ZNF821: variants seen among roughly 807,000 people sequenced by gnomAD.
ZNF821 encodes zinc finger protein 821.
Under a neutral mutation model 44.3 loss-of-function variants are expected in ZNF821, and 16 were observed. That is an observed-to-expected ratio of 0.36 (90% CI 0.24 to 0.55). ZNF821 has a LOEUF of 0.55. Among genes scored for constraint, ZNF821 ranks in the 20% least tolerant of loss-of-function variants. The probability of loss-of-function intolerance (pLI) is 0.86; values close to 1 mark genes in which losing one functional copy is unlikely to be tolerated. For missense variants in ZNF821, 436 were observed against 547.6 expected, an observed-to-expected ratio of 0.80 and a Z score of 2.03; for synonymous variants, 204 against 197.6, an observed-to-expected ratio of 1.03 and a Z score of -0.27.
Position 71,876,716 on chromosome 16 carries a change from T to A in ZNF821, c.40+3191A>T, listed in dbSNP as rs371658669. On this transcript the variant is annotated intron_variant, in intron 3 of 7. Coordinates refer to ENST00000425432, the MANE Select transcript of ZNF821 (RefSeq NM_001201552.2). ...TCGACCTTTTGGGTTCAAGCGATCC[T>A]CCCACCTCTGTCTCCCAAGTAGCTG... Among the ~76,000 whole-genome samples, 47 of 152,278 alleles carry A rather than the reference T, an allele frequency of 3.1e-4. No homozygotes were observed. The South Asian group carries it at 9.3e-3, about 30-fold the overall frequency.
rs2034366071 is a variant in ZNF821 at position 71,864,956 on chromosome 16, C to T, written c.259G>A (p.Glu87Lys). The change falls in exon 5 of 8, where the codon GAG becomes AAG. Residue 87 changes from glutamate (E) to lysine (K), a missense_variant. Glu to Lys is a moderately conservative substitution (Grantham distance 56). This residue lies in a region of ZNF821 where 238 missense variants were observed against 281.4 expected (regional missense o/e 0.85). Transcript: ENST00000425432. ...EDGGVVKVEK[E>K]LENTEQPVGG... ...ACAGGCTGTTCTGTATTTTCTAACT[C>T]TTTCTCCACTTTGACCACCCCTCCA... 2 of 1,614,064 alleles carry T rather than the reference C, an allele frequency of 1.2e-6. No homozygotes were observed. Among genetic ancestry groups the T allele is most frequent in the Non-Finnish European group, 8.5e-7 (1 of 1,180,030 alleles).
Position 71,860,815 on chromosome 16 carries a change from G to A in ZNF821, c.585-143C>T. 1 of 749,174 alleles carries A rather than the reference G, an allele frequency of 1.3e-6. No individual in the cohort carries two copies. Among genetic ancestry groups the A allele is most frequent in the Non-Finnish European group, 2.1e-6 (1 of 475,390 alleles). The allele number at this position is 749,174 out of a possible 1,614,324, so 46.4% of individuals were successfully genotyped here. On this transcript the variant is annotated intron_variant, in intron 7 of 7. Transcript: ENST00000425432. The surrounding 1 kb of genome is among the most constrained non-coding windows in gnomAD (Gnocchi z 7.3). ...TTTGAATGCTTGGTGGACCTCTTCTGCTGCTCCATCCCTTCTCTTCGCGTG... is the reference window on the plus strand; with the variant it reads ...TTTGAATGCTTGGTGGACCTCTTCTACTGCTCCATCCCTTCTCTTCGCGTG...
intron 4 of ZNF821, among the ~76,000 whole-genome samples, chr16:71,865,807 C>A (rs558396093): frequency 2.6e-5 from 4 of 152,204 alleles, no homozygotes; most frequent in Admixed American, 2.6e-4. Flanking sequence ...AGGAACGGGC[C>A]ATTCTTTAGG....
rs1218882619 is a variant in ZNF821 at position 71,860,676 on chromosome 16, G to A, written c.585-4C>T. ...TAGTACTTCAGGAAGTTTCTCACTG[G>A]AAAGGAAACATTTTGGATGGTTAGT... On this transcript the variant is annotated splice_region_variant and splice_polypyrimidine_tract_variant and intron_variant, in intron 7 of 7. Coordinates refer to ENST00000425432, the MANE Select transcript of ZNF821 (RefSeq NM_001201552.2). The surrounding 1 kb of genome is among the most constrained non-coding windows in gnomAD (Gnocchi z 7.3). The A allele has an allele frequency of 1.2e-6, 2 of 1,609,994 alleles. No homozygotes were observed. Among genetic ancestry groups the A allele is most frequent in the South Asian group, 1.1e-5 (1 of 90,930 alleles).
At position 71,882,485 on chromosome 16, in the gene ZNF821, A is replaced by G. The variant is rs144282649; in HGVS notation, c.-78+726T>C. The stretch of plus-strand genomic sequence containing the variant: ...GAAGGAAGGCCAAATAATTTGAACC[A>G]GACAACATTTCAATATTAAAGCTCC... On this transcript the variant is annotated intron_variant, in intron 2 of 7. Transcript: ENST00000425432. Among the ~76,000 whole-genome samples the G allele has an allele frequency of 1.3e-4, 20 of 152,310 alleles. No individual in the cohort carries two copies. The East Asian group carries it at 3.7e-3, about 28-fold the overall frequency.
In ZNF821 at chr16:71,864,212, G is replaced by A; in HGVS notation, c.343C>T (p.Leu115Phe). The A allele has an allele frequency of 1.2e-6, 2 of 1,614,220 alleles. No individual in the cohort carries two copies. Among genetic ancestry groups the A allele is most frequent in the Non-Finnish European group, 1.7e-6 (2 of 1,180,038 alleles). ...VTGNLNSDPL[L>F]ELCQCPLCQL... is the part of the protein sequence containing the mutation. ...CAGAGGGGACACTGGCAGAGTTCAA[G>A]CAAGGGGTCAGAATTCAAATTCCCT... The change falls in exon 6 of 8, where the codon CTT (leucine) becomes TTT (phenylalanine). Residue 115 changes from leucine (L) to phenylalanine (F), a missense_variant. Physicochemically the swap from Leu to Phe is conservative, Grantham distance 22 (BLOSUM62 0). Transcript: ENST00000425432.
At chr16:71,863,476 T>C (rs1005953247) in intron 6 of ZNF821, among the ~76,000 whole-genome samples, 17 of 138,652 alleles carry the variant, frequency 1.2e-4, no homozygotes, top group Admixed American at 6.2e-4. Flanking sequence ...AGCCTCAACC[T>C]CCTAGGCTCA....
At chr16:71,880,628 T>C (rs1046471641) in intron 2 of ZNF821, among the ~76,000 whole-genome samples, 1 of 152,208 alleles carries the variant, frequency 6.6e-6, no homozygotes, top group African/African-American at 2.4e-5. Flanking sequence ...GTGAATGACA[T>C]GGCACTAAGC....
chr16:71,860,142 G>A lies in ZNF821; in HGVS notation c.1115C>T (p.Ser372Phe). 6.2e-7 allele frequency: 1 copy of A among 1,614,270 alleles called. No individual in the cohort carries two copies. The highest frequency in any genetic ancestry group is 8.5e-7 in the Non-Finnish European group (1 of 1,180,046). The part of the protein sequence containing the change: ...MLRAQFGQDP[S>F]AMAALAAEMN... ...TTCAGCTGCTAAGGCTGCCATGGCA[G>A]AAGGGTCCTGGCCAAACTGAGCTCG... Residue 372 changes from serine (S) to phenylalanine (F), a missense_variant, in exon 8 of 8, where the codon TCT becomes TTT. By Grantham distance (155) the Ser-to-Phe change is radical. Coordinates refer to ENST00000425432, the MANE Select transcript of ZNF821 (RefSeq NM_001201552.2). The surrounding 1 kb of genome is among the most constrained non-coding windows in gnomAD (Gnocchi z 7.3).
chr16:71,864,606 C>T (rs779387872), intron 5 of ZNF821: 6 of 448,988 alleles, frequency 1.3e-5, no homozygotes, highest in Non-Finnish European at 2.4e-5. Context: ...CAAGAGTCCA[C>T]CTTGGGAAGT....
chr16:71,861,733 A>G (rs760377262), intron 7 of ZNF821, 43 bp downstream of exon 7: 8 of 1,608,110 alleles, frequency 5.0e-6, no homozygotes, highest in East Asian at 2.2e-5. Flanking sequence ...ACTCACACCC[A>G]GTAATTTGCT....
intron 1 of ZNF821, among the ~76,000 whole-genome samples, chr16:71,892,493 C>G (rs1208487930): frequency 3.3e-5 from 5 of 151,362 alleles, no homozygotes; most frequent in Non-Finnish European, 5.9e-5. Flanking sequence ...TGGTCTCTAT[C>G]TCCTGACCTC....
intron 5 of ZNF821, among the ~76,000 whole-genome samples, chr16:71,864,544 G>A (rs954644668): frequency 6.6e-6 from 1 of 152,220 alleles, no homozygotes; most frequent in Non-Finnish European, 1.5e-5. Context: ...AAACAAGTTA[G>A]TGAGAAGGTG....
At chr16:71,866,654 A>T (rs527413749) in intron 4 of ZNF821, among the ~76,000 whole-genome samples, 4 of 152,380 alleles carry the variant, frequency 2.6e-5, no homozygotes, top group South Asian at 2.1e-4. Flanking sequence ...GGGATAGTAC[A>T]TCCTTCAGAA....
intron 3 of ZNF821, among the ~76,000 whole-genome samples, chr16:71,874,913 A>G (rs1219974739): frequency 6.6e-6 from 1 of 152,226 alleles, no homozygotes; most frequent in Non-Finnish European, 1.5e-5. Context: ...TGATCTTTTG[A>G]AAAGGGTAGG....
chr16:71,883,705 G>C (rs1248310307), intron 1 of ZNF821: 1 of 152,216 alleles, frequency 6.6e-6, no homozygotes, highest in Non-Finnish European at 1.5e-5. Context: ...GCCCGAGAGC[G>C]CCAAGGGGCA....
chr16:71,894,959 C>T (rs1011599437), exon 1 of ZNF821: 155 of 853,310 alleles, frequency 1.8e-4, no homozygotes, highest in Non-Finnish European at 2.7e-4. Context: ...CCACACAGAC[C>T]GGAGCGATGC....
intron 6 of ZNF821, 76 bp from the exon 7 acceptor site, chr16:71,862,018 G>A (rs1439551204): frequency 5.9e-6 from 9 of 1,527,576 alleles, no homozygotes; most frequent in Middle Eastern, 3.5e-4. Context: ...AATGACTTTT[G>A]GGAAATGTCC....
At chr16:71,884,702 A>G (rs2036776585), upstream of ZNF821, 1 of 152,144 alleles carries the variant, frequency 6.6e-6, no homozygotes, top group Non-Finnish European at 1.5e-5. Context: ...AGAACCTCAG[A>G]GCTGGGAAAT....
Sources: gnomAD v4.1 joint callset for allele counts (sites outside exome capture counted in the v4.1 genomes callset) on GRCh38, gnomAD v4.1.1 for gene constraint, gnomAD v4.1.1 regional missense constraint, Gnocchi (gnomAD v3.1) non-coding constraint, MANE v1.5 for transcripts, NCBI Gene and HGNC (gene_info 2026-07-23, HGNC 2026-07-21) for gene names.